Variants in CCDC124 observed in about 807,000 individuals in gnomAD.
CCDC124 encodes coiled-coil domain containing 124.
A neutral mutation model predicts 19.8 loss-of-function variants in CCDC124; 9 were observed. That is an observed-to-expected ratio of 0.45 (90% CI 0.27 to 0.79). The LOEUF is 0.79. CCDC124 is among the 30% of genes least tolerant of loss of function. The probability of loss-of-function intolerance (pLI) is 0.14; values close to 1 mark genes in which losing one functional copy is unlikely to be tolerated. For synonymous variants in CCDC124, 126 were observed against 131.3 expected, an observed-to-expected ratio of 0.96 and a Z score of 0.27; for missense variants, 285 against 319.0, an observed-to-expected ratio of 0.89 and a Z score of 0.81.
intron 1 of CCDC124, among the ~76,000 whole-genome samples, chr19:17,934,856 T>C (rs1215426586): frequency 6.6e-6 from 1 of 152,118 alleles, no homozygotes; most frequent in Non-Finnish European, 1.5e-5. Context: ...AGTATTGTGT[T>C]GTTGAGGTTC....
intron 4 of CCDC124, 47 bp downstream of exon 4, chr19:17,943,422 C>A (rs1478629309): frequency 6.7e-6 from 2 of 299,074 alleles, no homozygotes; most frequent in East Asian, 8.4e-5. Context: ...AGCTGGTCAT[C>A]GGGGGCGGGG....
intron 2 of CCDC124, among the ~76,000 whole-genome samples, chr19:17,937,349 G>T (rs970034749): frequency 4.6e-5 from 7 of 152,168 alleles, no homozygotes; most frequent in Non-Finnish European, 7.3e-5. Flanking sequence ...AGGAAATGGT[G>T]TGTGGAAAGG....
chr19:17,941,738 G>A (rs1029893694), intron 2 of CCDC124, among the ~76,000 whole-genome samples: 1 of 152,070 alleles, frequency 6.6e-6, no homozygotes, highest in African/African-American at 2.4e-5. Context: ...CCTTAGGTGC[G>A]TCCACCCCTA....
rs2031243596 is a variant in CCDC124 at position 17,943,624 on chromosome 19, C to T, written c.581C>T (p.Ser194Leu). ...LKQENPNMRL[S>L]QLKQLLKKEW... is the part of the protein sequence containing the mutation. Reference sequence around the variant, plus strand: ...CAAGAGAACCCCAACATGCGGCTGTCGCAGCTGAAACAGCTGCTCAAGAAG... The same window carrying T: ...CAAGAGAACCCCAACATGCGGCTGTTGCAGCTGAAACAGCTGCTCAAGAAG... The change falls in exon 5 of 5, where the codon TCG (serine) becomes TTG (leucine). Residue 194 changes from serine (S) to leucine (L), a missense_variant. Ser to Leu is a moderately radical substitution (Grantham distance 145). Coordinates refer to ENST00000445755, the MANE Select transcript of CCDC124 (RefSeq NM_001136203.2). The T allele has an allele frequency of 1.2e-6, 2 of 1,612,928 alleles. No homozygotes were observed. Among genetic ancestry groups the T allele is most frequent in the Non-Finnish European group, 1.7e-6 (2 of 1,179,946 alleles).
At chr19:17,936,746 C>A (rs535464544) in intron 2 of CCDC124, 167 bp downstream of exon 2, 7 of 764,630 alleles carry the variant, frequency 9.2e-6, no homozygotes, top group Middle Eastern at 5.9e-4. Context: ...TTTGGGAGGC[C>A]GAGGCAGGCA....
At chr19:17,941,583 A>G (rs1261182185) in intron 2 of CCDC124, among the ~76,000 whole-genome samples, 3 of 151,272 alleles carry the variant, frequency 2.0e-5, no homozygotes, top group Non-Finnish European at 4.4e-5. Context: ...GAGCCTCGGG[A>G]CGTTGCCTCT....
intron 1 of CCDC124, among the ~76,000 whole-genome samples, chr19:17,935,637 A>G (rs756778737): frequency 6.6e-6 from 1 of 152,082 alleles, no homozygotes; most frequent in East Asian, 1.9e-4. Flanking sequence ...GCTGGAGTGC[A>G]GTTGCACGAT....
At position 17,943,262 on chromosome 19, in the gene CCDC124, C is replaced by T. The variant is rs2031230207; in HGVS notation, c.351C>T (p.Ala117=). 1 of 1,543,076 alleles carries T rather than the reference C, an allele frequency of 6.5e-7. No individual in the cohort carries two copies. Among genetic ancestry groups the T allele is most frequent in the Non-Finnish European group, 8.7e-7 (1 of 1,147,328 alleles). Residue 117 remains alanine, a splice_region_variant and synonymous_variant, in exon 4 of 5, where the codon GCC becomes GCT. Coordinates refer to ENST00000445755, the MANE Select transcript of CCDC124 (RefSeq NM_001136203.2). The part of the protein sequence containing the change: ...DHQLREAPDT[A]EKAKSHLEVP... ...TCTGTCACCCACCCACCCGCCCAGC[C>T]GAGAAAGCCAAGAGCCATCTGGAGG...
Position 17,943,830 on chromosome 19 carries a change from G to C in CCDC124, c.*115G>C. 1.9e-6 allele frequency: 2 copies of C among 1,037,958 alleles called. No homozygotes were observed. Among genetic ancestry groups the C allele is most frequent in the Non-Finnish European group, 1.4e-6 (1 of 707,988 alleles). 64.3% of individuals were successfully genotyped at this position (1,037,958 alleles called of 1,614,324 possible). On this transcript the variant is annotated 3_prime_UTR_variant, in exon 5 of 5. Transcript: ENST00000445755. ...AGCGTTCCGGGGGCCAAGGCGCCGGGCCCCGGGGCCATGCTCTTATCACCA... is the reference window on the plus strand; with the variant it reads ...AGCGTTCCGGGGGCCAAGGCGCCGGCCCCCGGGGCCATGCTCTTATCACCA...
chr19:17,943,157 T>C (rs944373559), intron 3 of CCDC124, 104 bp from the exon 4 acceptor site: 2 of 986,066 alleles, frequency 2.0e-6, no homozygotes, highest in African/African-American at 1.6e-5. Flanking sequence ...CTCTCCCGCC[T>C]TCCTCCCGCC....
chr19:17,943,512 G>T lies in CCDC124; in HGVS notation c.469G>T (p.Ala157Ser). The T allele has an allele frequency of 1.2e-6, 2 of 1,610,694 alleles. No individual in the cohort carries two copies. Among genetic ancestry groups the T allele is most frequent in the Non-Finnish European group, 8.5e-7 (1 of 1,179,576 alleles). ...IEDAIAVLSV[A>S]EEAADRHPER... ...GACGCTCATGTCCACCCCCAGCGTGGCGGAGGAGGCGGCCGACCGGCACCC... is the reference window on the plus strand; with the variant it reads ...GACGCTCATGTCCACCCCCAGCGTGTCGGAGGAGGCGGCCGACCGGCACCC... The change falls in exon 5 of 5, where the codon GCG (alanine) becomes TCG (serine). Residue 157 changes from alanine (A) to serine (S), a missense_variant. Transcript: ENST00000445755.
At chr19:17,939,968 A>G (rs2031145038) in intron 2 of CCDC124, among the ~76,000 whole-genome samples, 2 of 132,586 alleles carry the variant, frequency 1.5e-5, no homozygotes, top group African/African-American at 5.8e-5. Flanking sequence ...AGGCTGGAGT[A>G]CAGTGGCGTG....
intron 2 of CCDC124, among the ~76,000 whole-genome samples, chr19:17,938,814 C>T (rs1025191012): frequency 6.6e-6 from 1 of 151,952 alleles, no homozygotes; most frequent in African/African-American, 2.4e-5. Context: ...CCAAGTTGGT[C>T]TCAAACTCCT....
At chr19:17,936,087 T>C (rs1268373280) in intron 1 of CCDC124, among the ~76,000 whole-genome samples, 1 of 151,846 alleles carries the variant, frequency 6.6e-6, no homozygotes, top group Non-Finnish European at 1.5e-5. Context: ...GTATTTTTAG[T>C]GGAGATGGGG....
intron 2 of CCDC124, among the ~76,000 whole-genome samples, chr19:17,938,254 C>T (rs1385866987): frequency 6.6e-6 from 1 of 152,140 alleles, no homozygotes; most frequent in Non-Finnish European, 1.5e-5. Flanking sequence ...GTGAGAGGAT[C>T]ACTTGAGCCT....
intron 1 of CCDC124, among the ~76,000 whole-genome samples, chr19:17,936,045 C>T (rs1003030694): frequency 2.0e-5 from 3 of 152,160 alleles, no homozygotes; most frequent in Admixed American, 6.6e-5. Context: ...GCTGGGAATA[C>T]GGGTGCACAC....
chr19:17,942,566 C>A lies in CCDC124; in HGVS notation c.160-90C>A. On this transcript the variant is annotated intron_variant, in intron 2 of 4. Transcript: ENST00000445755. The surrounding 1 kb of genome is among the most constrained non-coding windows in gnomAD (Gnocchi z 4.2). Reference sequence around the variant, plus strand: ...GCACCCAGCACAGAGCCTAAATCCTCGTTGGCTGAGATGAAAACTCGAACC... The same window carrying A: ...GCACCCAGCACAGAGCCTAAATCCTAGTTGGCTGAGATGAAAACTCGAACC... The A allele has an allele frequency of 7.1e-7, 1 of 1,407,176 alleles. No individual in the cohort carries two copies. The allele number at this position is 1,407,176 out of a possible 1,614,324, so 87.2% of individuals were successfully genotyped here. A position where few individuals can be genotyped will look rare whatever the true frequency, so the allele number is the denominator to read the frequency against.
chr19:17,939,033 G>A (rs2031119333), intron 2 of CCDC124, among the ~76,000 whole-genome samples: 1 of 152,090 alleles, frequency 6.6e-6, no homozygotes, highest in South Asian at 2.1e-4. Flanking sequence ...TTGGGGGTTG[G>A]GGGATCATCA....
intron 4 of CCDC124, 49 bp downstream of exon 4, chr19:17,943,424 G>T: frequency 6.5e-7 from 1 of 1,550,164 alleles, no homozygotes; most frequent in Non-Finnish European, 8.7e-7. Flanking sequence ...CTGGTCATCG[G>T]GGGCGGGGCT....
Sources: gnomAD v4.1 joint callset for allele counts (sites outside exome capture counted in the v4.1 genomes callset) on GRCh38, gnomAD v4.1.1 for gene constraint, Gnocchi (gnomAD v3.1) non-coding constraint, MANE v1.5 for transcripts, NCBI Gene and HGNC (gene_info 2026-07-23, HGNC 2026-07-21) for gene names.